PTPN14: variants seen among roughly 807,000 people sequenced by gnomAD.
PTPN14 encodes tyrosine-protein phosphatase non-receptor type 14.
Under a neutral mutation model 126.8 loss-of-function variants are expected in PTPN14, and 53 were observed. The ratio of observed to expected loss-of-function variants is 0.42; its 90% CI spans 0.34 to 0.53. The LOEUF (loss-of-function observed/expected upper bound fraction) is 0.53. Among genes scored for constraint, PTPN14 ranks in the 20% least tolerant of loss-of-function variants. The pLI is 0.08. For missense variants in PTPN14, 1,257 were observed against 1,552.9 expected, an observed-to-expected ratio of 0.81 and a Z score of 3.20; for synonymous variants, 630 against 599.3, an observed-to-expected ratio of 1.05 and a Z score of -0.75.
In PTPN14 at chr1:214,452,051, G is replaced by C; in HGVS notation, c.175-77C>G. 3 of 1,476,088 alleles carry C rather than the reference G, an allele frequency of 2.0e-6. No homozygotes were observed. In the South Asian group the frequency reaches 4.0e-5, roughly 19 times the overall value. 91.4% of individuals were successfully genotyped at this position (1,476,088 alleles called of 1,614,324 possible). A position where few individuals can be genotyped will look rare whatever the true frequency, so the allele number is the denominator to read the frequency against. On this transcript the variant is annotated intron_variant, in intron 2 of 18. Transcript: ENST00000366956. ...AGGCCACACAAGAAACGAGACTCCA[G>C]CATGCTGCATCCCACCCTGGGTTCC...
chr1:214,431,941 G>A (rs1339990079), intron 3 of PTPN14, among the ~76,000 whole-genome samples: 15 of 152,186 alleles, frequency 9.9e-5, no homozygotes, highest in Admixed American at 2.0e-4. Context: ...AGCACTTTGG[G>A]AGGCCAAGGC....
chr1:214,541,664 T>G (rs956516262), intron 1 of PTPN14, among the ~76,000 whole-genome samples: 19 of 152,214 alleles, frequency 1.2e-4, no homozygotes, highest in Non-Finnish European at 2.5e-4. Flanking sequence ...ACCTGTCCAT[T>G]TCCTACCCAA....
At chr1:214,358,694 A>G (rs537251631) in intron 18 of PTPN14, among the ~76,000 whole-genome samples, 1 of 152,030 alleles carries the variant, frequency 6.6e-6, no homozygotes, top group Non-Finnish European at 1.5e-5. Flanking sequence ...GATGAAACAC[A>G]TATCAAGCAT....
intron 1 of PTPN14, chr1:214,532,522 A>G: frequency 1.0e-6 from 1 of 972,708 alleles, no homozygotes; most frequent in Non-Finnish European, 1.7e-6. Context: ...AAAATCTGGG[A>G]GCACCTGGAG....
intron 1 of PTPN14, among the ~76,000 whole-genome samples, chr1:214,489,428 G>A (rs144870013): frequency 9.1e-4 from 139 of 152,200 alleles, no homozygotes; most frequent in Middle Eastern, 6.8e-3. Context: ...CCACCATACC[G>A]TTTCTAATCT....
chr1:214,542,129 G>A (rs1294567314), intron 1 of PTPN14, among the ~76,000 whole-genome samples: 1 of 151,812 alleles, frequency 6.6e-6, no homozygotes, highest in Non-Finnish European at 1.5e-5. Context: ...ATGTATGTAT[G>A]TTATATGTAC....
intron 1 of PTPN14, among the ~76,000 whole-genome samples, chr1:214,526,133 T>C (rs56688885): frequency 0.026 from 3,994 of 151,758 alleles, 180 homozygotes; most frequent in African/African-American, 0.092. Context: ...GCCCAGCTAA[T>C]TTTTATATTT....
At chr1:214,438,503 T>A (rs1046302055) in intron 3 of PTPN14, among the ~76,000 whole-genome samples, 1 of 152,210 alleles carries the variant, frequency 6.6e-6, no homozygotes, top group Admixed American at 6.5e-5. Flanking sequence ...TAGGGACAAA[T>A]TTGAAGTTAT....
At chr1:214,494,112 C>T (rs1661308899) in intron 1 of PTPN14, among the ~76,000 whole-genome samples, 1 of 151,992 alleles carries the variant, frequency 6.6e-6, no homozygotes, top group African/African-American at 2.4e-5. Flanking sequence ...GCACTGTCGC[C>T]CAGGCTGGAG....
At chr1:214,435,093 G>C (rs1402701615) in intron 3 of PTPN14, among the ~76,000 whole-genome samples, 1 of 152,166 alleles carries the variant, frequency 6.6e-6, no homozygotes, top group Admixed American at 6.5e-5. Flanking sequence ...ACTTGATCTA[G>C]ACAATTAAAA....
Position 214,394,899 on chromosome 1 carries a change from C to T in PTPN14, c.846G>A (p.Thr282=), listed in dbSNP as rs35027429. 1,338 of 1,610,192 alleles carry T rather than the reference C, an allele frequency of 8.3e-4. 13 individuals are homozygous for T. In the African/African-American group the frequency reaches 0.015, roughly 18 times the overall value. Residue 282 remains threonine, a splice_region_variant and synonymous_variant, in exon 9 of 19, where the codon ACG becomes ACA. Transcript: ENST00000366956. ...INKEETALFH[T]DDIENAKYIS... ...CTGACTGTTTGTCTGTTGTGCTTAC[C>T]GTGTGAAAGAGGGCAGTCTCTTCTT...
chr1:214,479,709 C>A (rs1660945005), intron 1 of PTPN14, among the ~76,000 whole-genome samples: 1 of 152,056 alleles, frequency 6.6e-6, no homozygotes. Flanking sequence ...GAAATTTATT[C>A]TTTTGAATTA....
intron 3 of PTPN14, among the ~76,000 whole-genome samples, chr1:214,449,475 A>G (rs4394613): frequency 0.56 from 85,752 of 151,978 alleles, 26,067 homozygotes; most frequent in African/African-American, 0.81. Context: ...TTTTCAATAT[A>G]CACTAATTTC....
chr1:214,443,280 T>G (rs867142766), intron 3 of PTPN14, among the ~76,000 whole-genome samples: 1 of 152,150 alleles, frequency 6.6e-6, no homozygotes, highest in East Asian at 1.9e-4. Context: ...AAAATCCTAG[T>G]TGAGGATCAA....
intron 3 of PTPN14, among the ~76,000 whole-genome samples, chr1:214,429,400 C>A (rs1389022243): frequency 2.6e-5 from 4 of 152,138 alleles, no homozygotes; most frequent in Non-Finnish European, 4.4e-5. Flanking sequence ...TGAGAGAATA[C>A]AATTTGGTAG....
At chr1:214,430,442 G>A (rs1256790426) in intron 3 of PTPN14, among the ~76,000 whole-genome samples, 1 of 152,210 alleles carries the variant, frequency 6.6e-6, no homozygotes, top group Non-Finnish European at 1.5e-5. Flanking sequence ...TTTTCTAGAT[G>A]CTTCTGTGAA....
chr1:214,386,546 C>A (rs908531777), intron 12 of PTPN14, among the ~76,000 whole-genome samples: 8 of 152,176 alleles, frequency 5.3e-5, no homozygotes, highest in Admixed American at 5.2e-4. Context: ...GAAGTGCATT[C>A]GCTTGGGCTG....
chr1:214,500,679 G>A (rs916821368), intron 1 of PTPN14, among the ~76,000 whole-genome samples: 1 of 152,002 alleles, frequency 6.6e-6, no homozygotes, highest in Non-Finnish European at 1.5e-5. Context: ...CCGATATAAG[G>A]CACCTTGGCT....
At chr1:214,494,892 C>G (rs1661326922) in intron 1 of PTPN14, among the ~76,000 whole-genome samples, 1 of 152,156 alleles carries the variant, frequency 6.6e-6, no homozygotes, top group Non-Finnish European at 1.5e-5. Context: ...CACAAGTGAA[C>G]CTGAGGGAAG....
Sources: allele counts gnomAD v4.1 joint callset (sites outside exome capture counted in the v4.1 genomes callset), GRCh38; gene constraint gnomAD v4.1.1; transcripts MANE v1.5; gene names NCBI Gene and HGNC (gene_info 2026-07-23, HGNC 2026-07-21).